MEF2A: variants seen among roughly 807,000 people sequenced by gnomAD.
MEF2A encodes the protein myocyte enhancer factor 2A.
Under a neutral mutation model 55.8 loss-of-function variants are expected in MEF2A, and 28 were observed. That is an observed-to-expected ratio of 0.50 (90% CI 0.37 to 0.69). MEF2A has a LOEUF of 0.69. Ranked by LOEUF, MEF2A falls within the 30% of genes least tolerant of loss-of-function variation. The pLI, the probability that MEF2A is intolerant of heterozygous loss-of-function variation, is 0.00. For missense variants in MEF2A, 528 were observed against 626.2 expected (o/e 0.84, Z 1.67); for synonymous variants, 239 against 227.1 (o/e 1.05, Z -0.47).
chr15:99,664,713 C>A (rs2033546), intron 4 of MEF2A, among the ~76,000 whole-genome samples: 97,534 of 152,002 alleles, frequency 0.64, 34,889 homozygotes, highest in Middle Eastern at 0.86. Flanking sequence ...TGGTAAGTCC[C>A]AAGGAGAGAC....
intron 7 of MEF2A, among the ~76,000 whole-genome samples, chr15:99,679,750 G>C (rs2052853998): frequency 6.6e-6 from 1 of 152,038 alleles, no homozygotes; most frequent in Non-Finnish European, 1.5e-5. Flanking sequence ...TACATTTTCT[G>C]TTTATGTGTT....
At chr15:99,706,046 G>A (rs2058003215) in intron 9 of MEF2A, among the ~76,000 whole-genome samples, 2 of 152,202 alleles carry the variant, frequency 1.3e-5, no homozygotes, top group African/African-American at 4.8e-5. Flanking sequence ...GCATGGATAG[G>A]ATGCTACACA....
intron 4 of MEF2A, among the ~76,000 whole-genome samples, chr15:99,657,012 A>G (rs889740761): frequency 1.3e-5 from 2 of 152,080 alleles, no homozygotes; most frequent in African/African-American, 2.4e-5. Context: ...TTCTGTGTCT[A>G]TGGATTTACC....
intron 4 of MEF2A, among the ~76,000 whole-genome samples, chr15:99,666,005 C>T (rs2049605935): frequency 6.6e-6 from 1 of 152,130 alleles, no homozygotes; most frequent in African/African-American, 2.4e-5. Flanking sequence ...TAAATTAGTT[C>T]AACCATGGTG....
intron 1 of MEF2A, among the ~76,000 whole-genome samples, chr15:99,571,473 GC>G (rs1250445525): frequency 1.3e-5 from 2 of 152,054 alleles, no homozygotes; most frequent in African/African-American, 4.8e-5. Flanking sequence ...GTTAGTCATG[GC>G]TCACTTTATA....
At chr15:99,711,062 G>A (rs538313759) in intron 11 of MEF2A, among the ~76,000 whole-genome samples, 4 of 152,284 alleles carry the variant, frequency 2.6e-5, no homozygotes, top group African/African-American at 9.6e-5. Context: ...GATACCACCC[G>A]CATGCACCAT....
At chr15:99,685,207 T>C (rs2053991627) in intron 7 of MEF2A, among the ~76,000 whole-genome samples, 1 of 152,126 alleles carries the variant, frequency 6.6e-6, no homozygotes, top group Non-Finnish European at 1.5e-5. Context: ...TTTTAGGATT[T>C]TTTTCCCCCC....
Position 99,674,534 on chromosome 15 carries a change from C to T in MEF2A, c.532C>T (p.Leu178Phe). Residue 178 changes from leucine to phenylalanine, a missense_variant, in exon 6 of 12, where the codon CTC (leucine) becomes TTC (phenylalanine). Transcript: ENST00000557942. ...CTCAACGTTAACAGATTCAAGCATG[C>T]TCTCTCCACCTCAAACCACATTACA... ...ASSTLTDSSM[L>F]SPPQTTLHRN... 1.2e-6 allele frequency: 2 copies of T among 1,613,994 alleles called. No individual in the cohort carries two copies. Among genetic ancestry groups the T allele is most frequent in the Non-Finnish European group, 1.7e-6 (2 of 1,179,890 alleles).
In MEF2A at chr15:99,713,123, T is replaced by A. The variant is rs1392919432; in HGVS notation, c.*352T>A. 1 of 430,904 alleles carries A rather than the reference T, an allele frequency of 2.3e-6. No homozygotes were observed. The highest frequency in any genetic ancestry group is 2.0e-5 in the African/African-American group (1 of 49,698). 26.7% of individuals were successfully genotyped at this position (430,904 alleles called of 1,614,324 possible). On this transcript the variant is annotated 3_prime_UTR_variant, in exon 12 of 12. Transcript: ENST00000557942. ...CATATATAATTCTCCCACACTAGCT[T>A]GCAGAAACCTAGAGGGCCCCCTACT... is the stretch of plus-strand genomic sequence containing the variant.
intron 8 of MEF2A, among the ~76,000 whole-genome samples, chr15:99,699,071 CAAA>C (rs371590167): frequency 6.7e-6 from 1 of 148,830 alleles, no homozygotes; most frequent in Non-Finnish European, 1.5e-5. Context: ...AAAAAAAAAA[CAAA>C]AAAAACTTGC....
chr15:99,624,505 C>T (rs1028125029), intron 2 of MEF2A, among the ~76,000 whole-genome samples: 3 of 152,094 alleles, frequency 2.0e-5, no homozygotes, highest in Non-Finnish European at 4.4e-5. Flanking sequence ...GGTTTATTTG[C>T]GGGTTCTCTA....
At chr15:99,658,145 T>C (rs963852333) in intron 4 of MEF2A, among the ~76,000 whole-genome samples, 5 of 152,184 alleles carry the variant, frequency 3.3e-5, no homozygotes, top group Non-Finnish European at 5.9e-5. Flanking sequence ...GACATTGTTA[T>C]TATATGTAGA....
At chr15:99,637,636 T>C (rs2044110470) in intron 3 of MEF2A, among the ~76,000 whole-genome samples, 1 of 151,914 alleles carries the variant, frequency 6.6e-6, no homozygotes, top group South Asian at 2.1e-4. Flanking sequence ...CTTGTTATTG[T>C]CTGTCTTTTT....
chr15:99,608,909 A>G (rs887624445), intron 2 of MEF2A, among the ~76,000 whole-genome samples: 11 of 152,168 alleles, frequency 7.2e-5, no homozygotes, highest in Admixed American at 7.2e-4. Flanking sequence ...CTCAAAAAAA[A>G]AAAAGAAGGT....
intron 2 of MEF2A, among the ~76,000 whole-genome samples, chr15:99,620,122 T>C (rs2040886635): frequency 1.3e-5 from 2 of 152,280 alleles, no homozygotes; most frequent in South Asian, 4.1e-4. Context: ...GCCTTTAAGT[T>C]ATTATTTTAA....
At chr15:99,629,863 C>T (rs761614101) in intron 2 of MEF2A, among the ~76,000 whole-genome samples, 15 of 151,940 alleles carry the variant, frequency 9.9e-5, no homozygotes, top group Non-Finnish European at 1.5e-4. Context: ...TCGCTTGAAC[C>T]GTGGAAGCGG....
At chr15:99,703,455 TATC>T in intron 9 of MEF2A, 70 bp downstream of exon 9, 1 of 1,490,492 alleles carries the variant, frequency 6.7e-7, no homozygotes. Flanking sequence ...TACGTGTTGT[TATC>T]TAACCAATGT....
At chr15:99,604,555 A>G (rs951482661) in intron 2 of MEF2A, among the ~76,000 whole-genome samples, 1 of 151,536 alleles carries the variant, frequency 6.6e-6, no homozygotes, top group Non-Finnish European at 1.5e-5. Context: ...TCTTTTTTTA[A>G]TGCCCTTGTC....
intron 4 of MEF2A, among the ~76,000 whole-genome samples, chr15:99,670,939 G>A (rs1343966648): frequency 6.6e-6 from 1 of 152,170 alleles, no homozygotes; most frequent in Non-Finnish European, 1.5e-5. Flanking sequence ...ATAAAGGTAC[G>A]ATAACTTCTC....
Sources: allele counts gnomAD v4.1 joint callset (sites outside exome capture counted in the v4.1 genomes callset), GRCh38; gene constraint gnomAD v4.1.1; transcripts MANE v1.5; gene names NCBI Gene and HGNC (gene_info 2026-07-23, HGNC 2026-07-21).